UPF3B: variants seen among roughly 807,000 people sequenced by gnomAD.
UPF3B encodes regulator of nonsense transcripts 3B.
In UPF3B, 7 loss-of-function variants were observed where a neutral mutation model predicts 40.3. The ratio of observed to expected loss-of-function variants is 0.17; its 90% CI spans 0.10 to 0.33. The LOEUF is 0.33. Among genes scored for constraint, UPF3B ranks in the 10% least tolerant of loss-of-function variants. The probability of loss-of-function intolerance (pLI) is 1.00; values close to 1 mark genes in which losing one functional copy is unlikely to be tolerated. For synonymous variants in UPF3B, 117 were observed against 117.3 expected, an observed-to-expected ratio of 1.00 and a Z score of 0.01; for missense variants, 229 against 358.9, an observed-to-expected ratio of 0.64 and a Z score of 2.93.
intron 3 of UPF3B, among the ~76,000 whole-genome samples, chrX:119,845,560 G>T (rs2056217990): frequency 8.9e-6 from 1 of 112,235 alleles, no homozygotes; most frequent in African/African-American, 3.2e-5. Flanking sequence ...ATATTTTAAT[G>T]TGAAAAAGAC....
Position 119,834,335 on chromosome X carries a change from A to G in UPF3B, c.*543T>C. 1.3e-6 allele frequency: 1 copy of G among 757,929 alleles called. No homozygotes were observed. Among genetic ancestry groups the G allele is most frequent in the Non-Finnish European group, 1.6e-6 (1 of 641,057 alleles). The allele number at this position is 757,929 out of a possible 1,213,427, so 62.5% of individuals were successfully genotyped here. On this transcript the variant is annotated 3_prime_UTR_variant, in exon 11 of 11. Transcript: ENST00000276201. ...AGGACACTGGATACAGAAGTAACATAACTATTTAAATTTTTGTATCAACGA... is the reference window on the plus strand; with the variant it reads ...AGGACACTGGATACAGAAGTAACATGACTATTTAAATTTTTGTATCAACGA...
downstream of UPF3B, among the ~76,000 whole-genome samples, chrX:119,831,318 CCTTT>C (rs1057106699): frequency 9.3e-6 from 1 of 107,280 alleles, no homozygotes; most frequent in Non-Finnish European, 1.9e-5. Context: ...CTCTCCTCCT[CCTTT>C]TTTTGTTTTT....
intron 3 of UPF3B, among the ~76,000 whole-genome samples, chrX:119,848,993 C>T (rs1293343321): frequency 8.9e-6 from 1 of 111,846 alleles, no homozygotes; most frequent in African/African-American, 3.2e-5. Context: ...AATACAAAAA[C>T]CCCAAGTGAC....
chrX:119,840,817 TA>T, intron 7 of UPF3B, 133 bp from the exon 8 acceptor site: 1 of 671,893 alleles, frequency 1.5e-6, no homozygotes. Flanking sequence ...GACAATAGTC[TA>T]AAAATCCAAC....
chrX:119,815,281 A>G (rs903985797), exon 5 of UPF3B: 27 of 787,118 alleles, frequency 3.4e-5, no homozygotes, highest in Non-Finnish European at 4.1e-5. Flanking sequence ...GAGCTCCTGG[A>G]TGGTAACGCT....
In UPF3B at chrX:119,835,112, A is replaced by C. The variant is rs2239963; in HGVS notation, c.1303-85T>G. 0.35 allele frequency: 389,685 copies of C among 1,103,928 alleles called. 49,668 individuals carry two copies. Among genetic ancestry groups the C allele is most frequent in the Admixed American group, 0.52 (23,113 of 44,143 alleles). The allele number at this position is 1,103,928 out of a possible 1,213,427, so 91.0% of individuals were successfully genotyped here. On this transcript the variant is annotated intron_variant, in intron 10 of 10. Coordinates refer to ENST00000276201, the MANE Select transcript of UPF3B (RefSeq NM_080632.3). ...TTTTAAGAGTCATAGTTATGTATGA[A>C]TATATGCTCAAGTGAAGTCATTTAA...
At chrX:119,847,963 T>C (rs1161350935) in intron 3 of UPF3B, among the ~76,000 whole-genome samples, 2 of 110,201 alleles carry the variant, frequency 1.8e-5, no homozygotes, top group Non-Finnish European at 3.8e-5. Flanking sequence ...AAATGTGGTA[T>C]ATACATATAC....
rs760659716 is a variant in UPF3B, at chrX:119,834,333, A to G, written c.*545T>C. Reference sequence around the variant, plus strand: ...TTAGGACACTGGATACAGAAGTAACATAACTATTTAAATTTTTGTATCAAC... The same window carrying G: ...TTAGGACACTGGATACAGAAGTAACGTAACTATTTAAATTTTTGTATCAAC... On this transcript the variant is annotated 3_prime_UTR_variant, in exon 11 of 11. Transcript: ENST00000276201. 362 of 757,137 alleles carry G rather than the reference A, an allele frequency of 4.8e-4. 1 individual carries two copies. The highest frequency in any genetic ancestry group is 5.2e-4 in the Non-Finnish European group (336 of 641,172). 62.4% of individuals were successfully genotyped at this position (757,137 alleles called of 1,213,427 possible). A position where few individuals can be genotyped will look rare whatever the true frequency, so the allele number is the denominator to read the frequency against.
rs949825976 is a variant in UPF3B, at chrX:119,834,813, G to A, written c.*65C>T. On this transcript the variant is annotated 3_prime_UTR_variant, in exon 11 of 11. Transcript: ENST00000276201. ...TATTCTTTGCCCTGAAGGCACCTCT[G>A]GATTGCTTAACGTGTGCTCTTTGGC... 1.4e-5 allele frequency: 17 copies of A among 1,208,106 alleles called. No individual in the cohort carries two copies. The highest frequency in any genetic ancestry group is 2.2e-6 in the Non-Finnish European group (2 of 895,126).
In UPF3B at chrX:119,819,842, C is replaced by CTTTTT. The variant is rs34094727; in HGVS notation, c.494+3095_494+3099dup. 8.7e-5 allele frequency among the ~76,000 whole-genome samples: 6 copies of CTTTTT among 68,642 alleles called. 1 individual carries two copies. The highest frequency in any genetic ancestry group is 1.6e-4 in the Admixed American group (1 of 6,305). 59.6% of individuals were successfully genotyped at this position (68,642 alleles called of 115,157 possible). A position where few individuals can be genotyped will look rare whatever the true frequency, so the allele number is the denominator to read the frequency against. On this transcript the variant is annotated intron_variant, in intron 4 of 6. Coordinates refer to the UPF3B transcript ENST00000636792. Reference sequence around the variant, plus strand: ...CACAAACTTTTCTTTTCTATTTTTCCTTTTTTTTTTTTTTTTTTTTGAGAT... The same window carrying CTTTTT: ...CACAAACTTTTCTTTTCTATTTTTCCTTTTTTTTTTTTTTTTTTTTTTTTTGAGAT...
chrX:119,840,188 G>C (rs2147786107), intron 8 of UPF3B, among the ~76,000 whole-genome samples: 1 of 112,081 alleles, frequency 8.9e-6, no homozygotes, highest in Admixed American at 9.5e-5. Flanking sequence ...GAAGTGGCAA[G>C]GTTGGGATCT....
chrX:119,838,926 C>G (rs753592062), intron 8 of UPF3B, among the ~76,000 whole-genome samples: 1 of 111,149 alleles, frequency 9.0e-6, no homozygotes, highest in Non-Finnish European at 1.9e-5. Context: ...CAGATGCACA[C>G]CACCACATAT....
intron 4 of UPF3B, among the ~76,000 whole-genome samples, chrX:119,820,345 T>G (rs1387009250): frequency 9.5e-6 from 1 of 105,379 alleles, no homozygotes; most frequent in Non-Finnish European, 1.9e-5. Flanking sequence ...GAGATGGGGT[T>G]TTACCATGTT....
intron 3 of UPF3B, among the ~76,000 whole-genome samples, chrX:119,827,925 G>T (rs1285349268): frequency 9.2e-6 from 1 of 108,605 alleles, no homozygotes. Context: ...TTGTAGAGAT[G>T]AGGTTTCACC....
At chrX:119,820,639 TGTA>T (rs1310101666) in intron 4 of UPF3B, among the ~76,000 whole-genome samples, 1 of 106,248 alleles carries the variant, frequency 9.4e-6, no homozygotes, top group African/African-American at 3.6e-5. Context: ...TTTTTTTTTT[TGTA>T]TTTTTTGGTA....
At chrX:119,813,551 A>C (rs766323023) in intron 5 of UPF3B, among the ~76,000 whole-genome samples, 58 of 100,072 alleles carry the variant, frequency 5.8e-4, no homozygotes, top group African/African-American at 1.8e-3. Flanking sequence ...AACCTCTTTT[A>C]TTTTTTTCTT....
exon 6 of UPF3B, chrX:119,807,477 GCTTT>G: frequency 1.1e-6 from 1 of 889,796 alleles, no homozygotes; most frequent in Non-Finnish European, 1.4e-6. Flanking sequence ...TCACTTTCCT[GCTTT>G]CTTTCTACTG....
chrX:119,848,281 C>CAAAAAAAAA (rs144679153), intron 3 of UPF3B, among the ~76,000 whole-genome samples: 1 of 23,933 alleles, frequency 4.2e-5, no homozygotes, highest in African/African-American at 1.3e-4. Context: ...GACTCCATCT[C>CAAAAAAAAA]AAAAAAAAAA....
intron 1 of UPF3B, 70 bp from the exon 2 acceptor site, chrX:119,851,943 T>A: frequency 1.4e-6 from 1 of 729,036 alleles, no homozygotes; most frequent in Non-Finnish European, 2.1e-6. Context: ...AGAATCACAG[T>A]TCCTGAAGAA....
Sources: gnomAD v4.1 joint callset for allele counts (sites outside exome capture counted in the v4.1 genomes callset) on GRCh38, gnomAD v4.1.1 for gene constraint, MANE v1.5 for transcripts, NCBI Gene and HGNC (gene_info 2026-07-23, HGNC 2026-07-21) for gene names.